Variants in GYPC observed in about 807,000 individuals in gnomAD.
GYPC encodes the protein glycophorin C (Gerbich blood group), also known as glycophorin-C.
In GYPC, 14 loss-of-function variants were observed where a neutral mutation model predicts 12.6. The ratio of observed to expected loss-of-function variants is 1.11; its 90% confidence interval spans 0.74 to 1.74. GYPC has a LOEUF of 1.74. GYPC is among the 40% of genes most tolerant of loss of function. The pLI is 0.00. For synonymous variants in GYPC, 78 were observed against 62.1 expected (o/e 1.26, Z -1.20); for missense variants, 225 against 172.1 (o/e 1.31, Z -1.72).
intron 1 of GYPC, among the ~76,000 whole-genome samples, chr2:126,660,005 G>A (rs1682490667): frequency 6.6e-6 from 1 of 152,162 alleles, no homozygotes; most frequent in South Asian, 2.1e-4. Flanking sequence ...AGAGGCTCGG[G>A]GGAGATAAGC....
At chr2:126,689,183 G>C (rs1281394257) in intron 1 of GYPC, among the ~76,000 whole-genome samples, 1 of 152,086 alleles carries the variant, frequency 6.6e-6, no homozygotes, top group Non-Finnish European at 1.5e-5. Context: ...AGGGCTTCAG[G>C]AATGACTCCT....
intron 1 of GYPC, among the ~76,000 whole-genome samples, chr2:126,660,699 T>A (rs1247577911): frequency 6.6e-6 from 1 of 152,172 alleles, no homozygotes; most frequent in Non-Finnish European, 1.5e-5. Flanking sequence ...CTCCCAGGAC[T>A]GCCACCATTC....
chr2:126,694,332 C>T (rs772950521), intron 3 of GYPC, among the ~76,000 whole-genome samples: 1 of 152,118 alleles, frequency 6.6e-6, no homozygotes, highest in Non-Finnish European at 1.5e-5. Flanking sequence ...CCATGACCCT[C>T]AACCCTCCAT....
In GYPC at chr2:126,690,291, T is replaced by A; in HGVS notation, c.86T>A (p.Met29Lys). 6.2e-7 allele frequency: 1 copy of A among 1,612,598 alleles called. No homozygotes were observed. Among genetic ancestry groups the A allele is most frequent in the Admixed American group, 1.7e-5 (1 of 60,018 alleles). ...DPGMASASTT[M>K]HTTTIAEPDP... Reference sequence around the variant, plus strand: ...GGGATGGCCTCTGCCTCCACCACAATGCATACTACCACCATTGCAGGTGAG... The same window carrying A: ...GGGATGGCCTCTGCCTCCACCACAAAGCATACTACCACCATTGCAGGTGAG... Residue 29 changes from methionine (M) to lysine (K), a missense_variant, in exon 2 of 4, where the codon ATG becomes AAG. Physicochemically the swap from Met to Lys is moderately conservative, Grantham distance 95 (BLOSUM62 -1). Transcript: ENST00000259254.
intron 2 of GYPC, 127 bp downstream of exon 2, chr2:126,690,438 C>A (rs536885375): frequency 7.8e-6 from 6 of 769,054 alleles, no homozygotes; most frequent in South Asian, 1.4e-5. Flanking sequence ...GAGAACTGAC[C>A]TAAGGACTTG....
chr2:126,696,664 C>A lies in GYPC; in HGVS notation c.*522C>A. 1 of 224,050 alleles carries A rather than the reference C, an allele frequency of 4.5e-6. No homozygotes were observed. Among genetic ancestry groups the A allele is most frequent in the Non-Finnish European group, 9.0e-6 (1 of 111,532 alleles). 13.9% of individuals were successfully genotyped at this position (224,050 alleles called of 1,614,324 possible). A position where few individuals can be genotyped will look rare whatever the true frequency, so the allele number is the denominator to read the frequency against. On this transcript the variant is annotated 3_prime_UTR_variant, in exon 4 of 4. Transcript: ENST00000259254. ...GATTGGAAATAAATTTGAAATGTAACCGAGCATTCCGAGTCCAACAGTATT... is the reference window on the plus strand; with the variant it reads ...GATTGGAAATAAATTTGAAATGTAAACGAGCATTCCGAGTCCAACAGTATT...
At chr2:126,675,552 G>A in intron 1 of GYPC, 1 of 231,908 alleles carries the variant, frequency 4.3e-6, no homozygotes, top group African/African-American at 2.3e-5. Flanking sequence ...GTGTCATCCT[G>A]ATTCTTTCTC....
Position 126,693,959 on chromosome 2 carries a change from T to C in GYPC, c.190+12T>C, listed in dbSNP as rs750402972. 6.4e-6 allele frequency: 10 copies of C among 1,568,928 alleles called. No individual in the cohort carries two copies. The East Asian group carries it at 2.2e-4, about 35-fold the overall frequency. On this transcript the variant is annotated intron_variant, in intron 3 of 3. Transcript: ENST00000259254. ...TGTCGTCATTGCAGGTGAGCTCTCATCACAGAGCCCTTCAAGCAGCCAGGG... is the reference window on the plus strand; with the variant it reads ...TGTCGTCATTGCAGGTGAGCTCTCACCACAGAGCCCTTCAAGCAGCCAGGG...
intron 1 of GYPC, 74 bp downstream of exon 1, chr2:126,656,386 C>A (rs1682356031): frequency 3.0e-6 from 4 of 1,320,038 alleles, no homozygotes; most frequent in African/African-American, 3.0e-5. Flanking sequence ...GGGGCCGAGC[C>A]ACGGCCACGG....
chr2:126,685,805 A>G (rs891022703), intron 1 of GYPC: 8 of 985,190 alleles, frequency 8.1e-6, no homozygotes, highest in African/African-American at 1.7e-5. Flanking sequence ...CATCACTGTC[A>G]TCAACAAGGT....
chr2:126,696,416 G>T lies in GYPC; in HGVS notation c.*274G>T, dbSNP rs893672730. 7.9e-5 allele frequency: 36 copies of T among 458,556 alleles called. No individual in the cohort carries two copies. The highest frequency in any genetic ancestry group is 1.3e-4 in the Non-Finnish European group (32 of 247,764). The allele number at this position is 458,556 out of a possible 1,614,324, so 28.4% of individuals were successfully genotyped here. A position where few individuals can be genotyped will look rare whatever the true frequency, so the allele number is the denominator to read the frequency against. On this transcript the variant is annotated 3_prime_UTR_variant, in exon 4 of 4. Transcript: ENST00000259254. ...AGGTGGGAGAAAATCTGGGCACATG[G>T]GGCCCCCTGGGCAGTGCAGGACAAC...
intron 1 of GYPC, among the ~76,000 whole-genome samples, chr2:126,683,608 T>C (rs1683208216): frequency 6.6e-6 from 1 of 152,246 alleles, no homozygotes; most frequent in African/African-American, 2.4e-5. Flanking sequence ...AGATTGGTTA[T>C]GGTGTTGAAG....
At chr2:126,690,167 C>G (rs1275343297) in intron 1 of GYPC, 88 bp from the exon 2 acceptor site, 2 of 951,276 alleles carry the variant, frequency 2.1e-6, no homozygotes, top group Non-Finnish European at 3.5e-6. Context: ...CTGCTCACAC[C>G]TGAGCAAAGG....
intron 2 of GYPC, 60 bp from the exon 3 acceptor site, chr2:126,693,804 G>T (rs1435783693): frequency 1.8e-6 from 2 of 1,133,710 alleles, no homozygotes; most frequent in Non-Finnish European, 2.7e-6. Flanking sequence ...TTGGGCCAAG[G>T]TGCTGCTAGG....
intron 1 of GYPC, among the ~76,000 whole-genome samples, chr2:126,669,502 G>C (rs1682781228): frequency 6.6e-6 from 1 of 152,224 alleles, no homozygotes; most frequent in Non-Finnish European, 1.5e-5. Context: ...AAAGGAGGGA[G>C]AGAAAGTTGG....
chr2:126,657,258 A>C (rs1464898599), intron 1 of GYPC, among the ~76,000 whole-genome samples: 1 of 152,190 alleles, frequency 6.6e-6, no homozygotes, highest in Non-Finnish European at 1.5e-5. Context: ...CTACGTGTGT[A>C]CACGGCACTC....
intron 1 of GYPC, among the ~76,000 whole-genome samples, chr2:126,657,349 C>A (rs1682391790): frequency 6.6e-6 from 1 of 152,214 alleles, no homozygotes; most frequent in Non-Finnish European, 1.5e-5. Flanking sequence ...CCTCAGTCTG[C>A]ACTGGGATCA....
At position 126,669,671 on chromosome 2, in the gene GYPC, G is replaced by T. The variant is rs151127756; in HGVS notation, c.49+13359G>T. On this transcript the variant is annotated intron_variant, in intron 1 of 3. Transcript: ENST00000259254. ...CGAAATGAAGCTTGTCACTCACTGAGAAAACTAACAATGCTAGAGGAAGTC... is the reference window on the plus strand; with the variant it reads ...CGAAATGAAGCTTGTCACTCACTGATAAAACTAACAATGCTAGAGGAAGTC... Among the ~76,000 whole-genome samples, 5 of 152,288 alleles carry T rather than the reference G, an allele frequency of 3.3e-5. No homozygotes were observed. In the East Asian group the frequency reaches 7.7e-4, roughly 24 times the overall value.
intron 1 of GYPC, among the ~76,000 whole-genome samples, chr2:126,679,258 A>C (rs564141963): frequency 3.9e-5 from 6 of 152,338 alleles, no homozygotes; most frequent in African/African-American, 1.4e-4. Flanking sequence ...ACGGGCCCAC[A>C]CAGGCTCACA....
Sources: gnomAD v4.1 joint callset for allele counts (sites outside exome capture counted in the v4.1 genomes callset) on GRCh38, gnomAD v4.1.1 for gene constraint, MANE v1.5 for transcripts, NCBI Gene and HGNC (gene_info 2026-07-23, HGNC 2026-07-21) for gene names.